The following TACR3 variants were observed in gnomAD, a reference collection of about 807,000 sequenced individuals.
The protein encoded by TACR3 is neuromedin-K receptor.
In TACR3, 34 loss-of-function variants were observed where a neutral mutation model predicts 35.0. The observed-to-expected ratio is 0.97, with a 90% CI of 0.74 to 1.30. TACR3 has a LOEUF of 1.30. Ranked by LOEUF, TACR3 falls within the 50% of genes most tolerant of loss-of-function variation. TACR3 has a pLI of 0.00. For synonymous variants in TACR3, 233 were observed against 221.1 expected (o/e 1.05, Z -0.48); for missense variants, 558 against 591.7 (o/e 0.94, Z 0.59).
chr4:103,616,390 CAATGT>C (rs1361013462), intron 3 of TACR3, among the ~76,000 whole-genome samples: 3 of 151,626 alleles, frequency 2.0e-5, no homozygotes, highest in South Asian at 2.1e-4. Context: ...TAGTATTGTA[CAATGT>C]AAAGAGTAGC....
intron 1 of TACR3, among the ~76,000 whole-genome samples, chr4:103,715,416 G>A (rs1723067152): frequency 6.6e-6 from 1 of 152,078 alleles, no homozygotes; most frequent in South Asian, 2.1e-4. Flanking sequence ...CTCCTGCTTT[G>A]TCTTCTGTCA....
At chr4:103,683,470 C>CAAAAAAAAAAAA (rs57761679) in intron 1 of TACR3, among the ~76,000 whole-genome samples, 6 of 21,144 alleles carry the variant, frequency 2.8e-4, no homozygotes, top group Admixed American at 6.4e-4. Flanking sequence ...AAAGACTGAC[C>CAAAAAAAAAAAA]AAAAAAAAAA....
chr4:103,713,946 T>A (rs920112536), intron 1 of TACR3, among the ~76,000 whole-genome samples: 1 of 152,144 alleles, frequency 6.6e-6, no homozygotes, highest in Non-Finnish European at 1.5e-5. Flanking sequence ...AGTCAAGGAC[T>A]GAAATGTCCA....
At chr4:103,641,947 T>C (rs1725365743) in intron 3 of TACR3, among the ~76,000 whole-genome samples, 1 of 151,428 alleles carries the variant, frequency 6.6e-6, no homozygotes, top group Admixed American at 6.6e-5. Context: ...AAGTAGAGAG[T>C]AGAATGGTGG....
intron 3 of TACR3, among the ~76,000 whole-genome samples, chr4:103,621,298 G>A (rs1003635090): frequency 2.0e-5 from 3 of 152,140 alleles, no homozygotes; most frequent in African/African-American, 4.8e-5. Flanking sequence ...TCGCTGAGTG[G>A]GATGTACCAT....
chr4:103,595,082 T>A (rs1013439510), intron 3 of TACR3, among the ~76,000 whole-genome samples: 1 of 152,118 alleles, frequency 6.6e-6, no homozygotes, highest in Admixed American at 6.6e-5. Context: ...ACCCTCCTGA[T>A]AAAATGCCAA....
chr4:103,627,481 T>C (rs1724921393), intron 3 of TACR3, among the ~76,000 whole-genome samples: 1 of 150,710 alleles, frequency 6.6e-6, no homozygotes, highest in African/African-American at 2.4e-5. Context: ...CCAAGACTGC[T>C]CCACGGCACT....
At chr4:103,602,895 C>A (rs1425485598) in intron 3 of TACR3, among the ~76,000 whole-genome samples, 1 of 152,218 alleles carries the variant, frequency 6.6e-6, no homozygotes, top group Non-Finnish European at 1.5e-5. Context: ...ATGCTGGGAG[C>A]ACCACTACTC....
intron 1 of TACR3, among the ~76,000 whole-genome samples, chr4:103,677,163 C>T (rs1309329257): frequency 3.9e-5 from 6 of 152,046 alleles, no homozygotes; most frequent in Non-Finnish European, 7.4e-5. Context: ...AATGAGATAC[C>T]GTCTCACACC....
intron 3 of TACR3, among the ~76,000 whole-genome samples, chr4:103,635,646 T>A (rs1560816557): frequency 6.6e-6 from 1 of 152,006 alleles, no homozygotes; most frequent in Non-Finnish European, 1.5e-5. Flanking sequence ...ATATTTATGC[T>A]TGAAATATAA....
At chr4:103,647,562 C>T (rs886359857) in intron 3 of TACR3, among the ~76,000 whole-genome samples, 1 of 151,666 alleles carries the variant, frequency 6.6e-6, no homozygotes, top group African/African-American at 2.4e-5. Context: ...GATTAGTAAC[C>T]AATTATCATT....
chr4:103,715,893 A>C (rs1308192871), intron 1 of TACR3, among the ~76,000 whole-genome samples: 1 of 152,168 alleles, frequency 6.6e-6, no homozygotes, highest in East Asian at 1.9e-4. Flanking sequence ...GAATATATAT[A>C]TATGTAAGAT....
intron 3 of TACR3, among the ~76,000 whole-genome samples, chr4:103,594,091 G>A (rs906097205): frequency 6.6e-6 from 1 of 152,042 alleles, no homozygotes; most frequent in Admixed American, 6.6e-5. Context: ...ATTTAAGATG[G>A]ACATGTGTAT....
At chr4:103,692,865 A>C (rs1030321850) in intron 1 of TACR3, among the ~76,000 whole-genome samples, 1 of 152,168 alleles carries the variant, frequency 6.6e-6, no homozygotes, top group Non-Finnish European at 1.5e-5. Flanking sequence ...TCTATGAGTA[A>C]ATCACCAATG....
chr4:103,675,922 C>T (rs61549204), intron 1 of TACR3, among the ~76,000 whole-genome samples: 18,045 of 151,722 alleles, frequency 0.12, 1,470 homozygotes, highest in East Asian at 0.43. Flanking sequence ...CGAAATTATC[C>T]CTCTTGCTCA....
At chr4:103,626,189 C>T (rs1724886968) in intron 3 of TACR3, among the ~76,000 whole-genome samples, 1 of 152,156 alleles carries the variant, frequency 6.6e-6, no homozygotes, top group South Asian at 2.1e-4. Flanking sequence ...CAGATGTGAA[C>T]TGACGTTTGT....
At chr4:103,695,424 G>A (rs544671620) in intron 1 of TACR3, among the ~76,000 whole-genome samples, 2 of 152,154 alleles carry the variant, frequency 1.3e-5, no homozygotes, top group South Asian at 4.2e-4. Flanking sequence ...AGACCTGTAT[G>A]ATGATCCACT....
intron 1 of TACR3, among the ~76,000 whole-genome samples, chr4:103,690,589 T>C (rs1027577009): frequency 6.6e-6 from 1 of 151,978 alleles, no homozygotes; most frequent in Non-Finnish European, 1.5e-5. Flanking sequence ...AATTAGAAAA[T>C]CAGCAAGAGT....
At chr4:103,608,184 T>C (rs1724429349) in intron 3 of TACR3, among the ~76,000 whole-genome samples, 1 of 151,980 alleles carries the variant, frequency 6.6e-6, no homozygotes, top group South Asian at 2.1e-4. Flanking sequence ...ATAGATTGGA[T>C]AAAGAAAATG....
Sources: allele counts gnomAD v4.1 joint callset (sites outside exome capture counted in the v4.1 genomes callset), GRCh38; gene constraint gnomAD v4.1.1; transcripts MANE v1.5; gene names NCBI Gene and HGNC (gene_info 2026-07-23, HGNC 2026-07-21).